Variants in RAB9A observed in about 807,000 individuals in gnomAD.
The protein encoded by RAB9A is RAB9A, member RAS oncogene family.
Under a neutral mutation model 10.3 loss-of-function variants are expected in RAB9A, and 1 was observed. That is an observed-to-expected ratio of 0.10 (90% CI 0.03 to 0.46). The LOEUF (loss-of-function observed/expected upper bound fraction) is 0.46. Among genes scored for constraint, RAB9A ranks in the 20% least tolerant of loss-of-function variants. RAB9A has a pLI of 0.96. For missense variants in RAB9A, 92 were observed against 150.3 expected, an observed-to-expected ratio of 0.61 and a Z score of 2.03; for synonymous variants, 39 against 55.2, an observed-to-expected ratio of 0.71 and a Z score of 1.30.
At position 13,709,483 on chromosome X, in the gene RAB9A, T is replaced by C; in HGVS notation, c.*131T>C. 1.3e-6 allele frequency: 1 copy of C among 758,362 alleles called. No individual in the cohort carries two copies. The highest frequency in any genetic ancestry group is 1.9e-6 in the Non-Finnish European group (1 of 531,429). 62.5% of individuals were successfully genotyped at this position (758,362 alleles called of 1,213,427 possible). A position where few individuals can be genotyped will look rare whatever the true frequency, so the allele number is the denominator to read the frequency against. On this transcript the variant is annotated 3_prime_UTR_variant, in exon 3 of 3. Coordinates refer to ENST00000464506, the MANE Select transcript of RAB9A (RefSeq NM_004251.5). ...AAATTAAACTAATGTTGCTGCTTCATTAGTTGGTGGGAGAAGGGACACATC... is the reference window on the plus strand; with the variant it reads ...AAATTAAACTAATGTTGCTGCTTCACTAGTTGGTGGGAGAAGGGACACATC...
chrX:13,709,185 G>A lies in RAB9A; in HGVS notation c.439G>A (p.Asp147Asn), dbSNP rs749000198. 1.2e-5 allele frequency: 15 copies of A among 1,209,968 alleles called. No individual in the cohort carries two copies. In the South Asian group the frequency reaches 2.5e-4, roughly 20 times the overall value. Residue 147 changes from aspartate to asparagine, a missense_variant, in exon 3 of 3, where the codon GAC (aspartate) becomes AAC (asparagine). Transcript: ENST00000464506. ...EAQAWCRDNG[D>N]YPYFETSAKD... Reference sequence around the variant, plus strand: ...CCAAGCTTGGTGCAGGGACAACGGCGACTATCCTTATTTTGAAACAAGTGC... The same window carrying A: ...CCAAGCTTGGTGCAGGGACAACGGCAACTATCCTTATTTTGAAACAAGTGC...
chrX:13,694,241 G>A (rs954661699), intron 1 of RAB9A, among the ~76,000 whole-genome samples: 5 of 111,615 alleles, frequency 4.5e-5, no homozygotes, highest in African/African-American at 1.3e-4. Context: ...ACAGATAGGA[G>A]TGTTTATGCA....
chrX:13,692,289 G>A (rs1257090106), intron 1 of RAB9A, among the ~76,000 whole-genome samples: 6 of 111,634 alleles, frequency 5.4e-5, no homozygotes, highest in Admixed American at 1.9e-4. Context: ...CAGCCTGGGC[G>A]ATAGAGTGAG....
chrX:13,699,330 T>C (rs1029135193), intron 1 of RAB9A, among the ~76,000 whole-genome samples: 1 of 112,010 alleles, frequency 8.9e-6, no homozygotes, highest in African/African-American at 3.2e-5. Context: ...AGAATAATAA[T>C]AGAATAACAA....
chrX:13,701,629 G>C (rs761269084), intron 1 of RAB9A, among the ~76,000 whole-genome samples: 20 of 110,883 alleles, frequency 1.8e-4, no homozygotes, highest in African/African-American at 4.6e-4. Context: ...AATTCCTTAT[G>C]GTAAATGGTA....
chrX:13,693,994 G>T (rs748454342), intron 1 of RAB9A, among the ~76,000 whole-genome samples: 72 of 111,966 alleles, frequency 6.4e-4, no homozygotes, highest in African/African-American at 2.3e-3. Context: ...TCATTTCATT[G>T]CCACATTCTT....
At chrX:13,704,779 T>A (rs1047684585) in intron 2 of RAB9A, among the ~76,000 whole-genome samples, 10 of 110,597 alleles carry the variant, frequency 9.0e-5, no homozygotes, top group African/African-American at 3.3e-4. Flanking sequence ...CACGCCCGGC[T>A]AATTTTTGTA....
intron 1 of RAB9A, among the ~76,000 whole-genome samples, chrX:13,698,773 C>T (rs967249714): frequency 2.7e-5 from 3 of 111,259 alleles, no homozygotes; most frequent in Non-Finnish European, 3.8e-5. Context: ...AAGTGAGACA[C>T]GCCTAAATTA....
At chrX:13,708,320 C>CAAAAAAAA (rs753443181) in intron 2 of RAB9A, among the ~76,000 whole-genome samples, 1 of 93,172 alleles carries the variant, frequency 1.1e-5, no homozygotes. Context: ...GATCCTGTCT[C>CAAAAAAAA]AAAAAAAAAA....
Position 13,689,211 on chromosome X carries a change from C to T in RAB9A, c.-193C>T, listed in dbSNP as rs1249910609. On this transcript the variant is annotated 5_prime_UTR_variant, in exon 1 of 3. Coordinates refer to ENST00000464506, the MANE Select transcript of RAB9A (RefSeq NM_004251.5). ...GCGGCTGCCTCCTGCTGTGCAGGTC[C>T]CCGACCCTCTCTCTGTCCTCATTGC... The T allele has an allele frequency of 8.8e-6, 1 of 113,360 alleles. No individual in the cohort carries two copies. Among genetic ancestry groups the T allele is most frequent in the Non-Finnish European group, 1.9e-5 (1 of 53,321 alleles). The allele number at this position is 113,360 out of a possible 1,213,427, so 9.3% of individuals were successfully genotyped here.
chrX:13,706,696 G>T (rs185125896), intron 2 of RAB9A, among the ~76,000 whole-genome samples: 1 of 110,462 alleles, frequency 9.1e-6, no homozygotes, highest in Admixed American at 9.7e-5. Context: ...ATCGTGCCTG[G>T]CCTGTAGTAG....
intron 1 of RAB9A, among the ~76,000 whole-genome samples, chrX:13,693,234 C>T (rs1053899428): frequency 7.1e-5 from 8 of 112,335 alleles, no homozygotes; most frequent in Admixed American, 3.8e-4. Flanking sequence ...GTTTGGGCAA[C>T]GCATCTAACT....
chrX:13,706,110 T>C (rs1382229455), intron 2 of RAB9A, among the ~76,000 whole-genome samples: 1 of 111,957 alleles, frequency 8.9e-6, no homozygotes, highest in African/African-American at 3.3e-5. Context: ...TATGTCAAAA[T>C]AGTTGGTTTG....
chrX:13,701,371 C>T (rs770247488), intron 1 of RAB9A, among the ~76,000 whole-genome samples: 1 of 111,306 alleles, frequency 9.0e-6, no homozygotes, highest in African/African-American at 3.3e-5. Flanking sequence ...GGTTTATCTA[C>T]GTTACAACAT....
chrX:13,689,561 C>T (rs2046110708), intron 1 of RAB9A, among the ~76,000 whole-genome samples: 1 of 112,014 alleles, frequency 8.9e-6, no homozygotes, highest in African/African-American at 3.2e-5. Flanking sequence ...CCCGGACACC[C>T]GTGCACATAC....
intron 1 of RAB9A, among the ~76,000 whole-genome samples, chrX:13,690,819 T>C (rs889810415): frequency 1.8e-5 from 2 of 111,790 alleles, no homozygotes; most frequent in African/African-American, 6.5e-5. Context: ...CAGTAAGAGC[T>C]CCATGTTACA....
intron 1 of RAB9A, among the ~76,000 whole-genome samples, chrX:13,703,173 G>C (rs1045506629): frequency 2.7e-5 from 3 of 112,508 alleles, no homozygotes; most frequent in Admixed American, 9.4e-5. Flanking sequence ...AGCAACAACA[G>C]TAGAATCTCA....
intron 1 of RAB9A, among the ~76,000 whole-genome samples, chrX:13,692,186 G>A (rs754813572): frequency 1.9e-4 from 21 of 110,977 alleles, no homozygotes; most frequent in African/African-American, 5.9e-4. Context: ...GTGTGGTGGT[G>A]CATGTCCCAG....
intron 1 of RAB9A, among the ~76,000 whole-genome samples, chrX:13,698,094 T>C (rs1046699335): frequency 9.0e-6 from 1 of 111,198 alleles, no homozygotes; most frequent in Non-Finnish European, 1.9e-5. Context: ...AACATTGTCG[T>C]CATTGCAGAA....
Sources: allele counts gnomAD v4.1 joint callset (sites outside exome capture counted in the v4.1 genomes callset), GRCh38; gene constraint gnomAD v4.1.1; transcripts MANE v1.5; gene names NCBI Gene and HGNC (gene_info 2026-07-23, HGNC 2026-07-21).